The following HMCN1 variants were observed in gnomAD, a reference collection of about 807,000 sequenced individuals.
HMCN1 encodes hemicentin 1, also known as hemicentin-1.
A neutral mutation model predicts 625.9 loss-of-function variants in HMCN1; 321 were observed. That is an observed-to-expected ratio of 0.51 (90% confidence interval 0.47 to 0.56). The LOEUF (loss-of-function observed/expected upper bound fraction) is 0.56. HMCN1 is among the 20% of genes least tolerant of loss of function. The probability of loss-of-function intolerance (pLI) is 0.00; values close to 1 mark genes in which losing one functional copy is unlikely to be tolerated. For missense variants in HMCN1, 6,588 were observed against 6,887.3 expected (o/e 0.96, Z 1.54); for synonymous variants, 2,425 against 2,417.6 (o/e 1.00, Z -0.09).
chr1:185,977,741 T>G (rs1651319752), intron 15 of HMCN1, 46 bp from the exon 16 acceptor site: 2 of 1,127,112 alleles, frequency 1.8e-6, no homozygotes, highest in South Asian at 2.5e-5. Flanking sequence ...TTAATATGCC[T>G]GTATAATATA....
At chr1:185,787,141 ATGTG>A (rs375544191) in intron 1 of HMCN1, among the ~76,000 whole-genome samples, 9,144 of 141,250 alleles carry the variant, frequency 0.065, 734 homozygotes, top group African/African-American at 0.2. Context: ...GCCATGATGT[ATGTG>A]TGTGTGTGTG....
At position 186,103,457 on chromosome 1, in the gene HMCN1, A is replaced by G; in HGVS notation, c.10574-15A>G. ...AACTGTGGGTTTATTATTATTTTTG[A>G]TTCCCTTTAAATAGAACCACCTCAC... On this transcript the variant is annotated splice_polypyrimidine_tract_variant and intron_variant, in intron 68 of 106. Transcript: ENST00000271588. 1 of 1,602,808 alleles carries G rather than the reference A, an allele frequency of 6.2e-7. No homozygotes were observed. Among genetic ancestry groups the G allele is most frequent in the Non-Finnish European group, 8.5e-7 (1 of 1,170,094 alleles).
chr1:185,906,330 A>G (rs1666093614), intron 4 of HMCN1, among the ~76,000 whole-genome samples: 1 of 151,848 alleles, frequency 6.6e-6, no homozygotes, highest in Non-Finnish European at 1.5e-5. Flanking sequence ...AGTCTGCACT[A>G]TGTCTTTCCC....
At chr1:185,889,643 C>T (rs1380282136) in intron 4 of HMCN1, among the ~76,000 whole-genome samples, 2 of 138,464 alleles carry the variant, frequency 1.4e-5, no homozygotes, top group Non-Finnish European at 3.0e-5. Flanking sequence ...ACCAGCCTTG[C>T]ATCCCAGGGA....
rs766324332 is a variant in HMCN1, at chr1:186,048,752, G to T, written c.6490G>T (p.Ala2164Ser). 1.9e-5 allele frequency: 30 copies of T among 1,605,426 alleles called. No individual in the cohort carries two copies. Among genetic ancestry groups the T allele is most frequent in the Non-Finnish European group, 2.5e-5 (29 of 1,172,550 alleles). Residue 2164 changes from alanine to serine, a missense_variant, in exon 42 of 107, where the codon GCT (alanine) becomes TCT (serine). Around this residue, in one of 3 missense-constraint regions of HMCN1, gnomAD observed 4,628 missense variants for 4,853.1 expected, o/e 0.95. Transcript: ENST00000271588. ...ENRSVLKIED[A>S]QVQDTGRYTC... Reference sequence around the variant, plus strand: ...ATGATTTTGTTTTCAGATTGAAGATGCTCAGGTTCAAGACACTGGTCGTTA... The same window carrying T: ...ATGATTTTGTTTTCAGATTGAAGATTCTCAGGTTCAAGACACTGGTCGTTA...
chr1:185,858,439 A>T (rs903612427), intron 2 of HMCN1, among the ~76,000 whole-genome samples: 2 of 151,298 alleles, frequency 1.3e-5, no homozygotes, highest in African/African-American at 4.8e-5. Context: ...TTATTTATTT[A>T]TTTTTTGAGA....
rs781383086 is a variant in HMCN1 at position 186,019,610 on chromosome 1, A to G, written c.5540A>G (p.Gln1847Arg). 1 of 1,610,726 alleles carries G rather than the reference A, an allele frequency of 6.2e-7. No individual in the cohort carries two copies. The highest frequency in any genetic ancestry group is 1.1e-5 in the South Asian group (1 of 91,026). Reference protein sequence around the residue: ...VVVKYKPVALQCIANGIPNPS... With the variant: ...VVVKYKPVALRCIANGIPNPS... ...GTAAAATACAAGCCTGTCGCCTTGC[A>G]GTGCATAGCCAATGGGATTCCAAAT... Residue 1847 changes from glutamine to arginine, a missense_variant, in exon 35 of 107, where the codon CAG becomes CGG. By Grantham distance (43) the Gln-to-Arg change is conservative. Around this residue, in one of 3 missense-constraint regions of HMCN1, gnomAD observed 4,628 missense variants for 4,853.1 expected, o/e 0.95. Coordinates refer to ENST00000271588, the MANE Select transcript of HMCN1 (RefSeq NM_031935.3).
intron 30 of HMCN1, among the ~76,000 whole-genome samples, chr1:186,014,851 G>A (rs1308406295): frequency 6.6e-6 from 1 of 151,984 alleles, no homozygotes; most frequent in African/African-American, 2.4e-5. Flanking sequence ...TTTGAGTGGG[G>A]TTTTATTTTG....
chr1:186,116,792 C>T (rs777397574), intron 75 of HMCN1, among the ~76,000 whole-genome samples: 7 of 152,100 alleles, frequency 4.6e-5, no homozygotes, highest in African/African-American at 1.7e-4. Flanking sequence ...AATATTATAT[C>T]AAGTTTGAGG....
chr1:185,808,863 G>A (rs1318008130), intron 1 of HMCN1, among the ~76,000 whole-genome samples: 1 of 152,042 alleles, frequency 6.6e-6, no homozygotes, highest in Non-Finnish European at 1.5e-5. Context: ...ACTCTTACAG[G>A]AAGAGTCAAA....
chr1:185,853,653 C>G (rs962900482), intron 2 of HMCN1, among the ~76,000 whole-genome samples: 1 of 151,986 alleles, frequency 6.6e-6, no homozygotes, highest in Non-Finnish European at 1.5e-5. Context: ...AATGTTTGAC[C>G]CTTTTTTAGG....
At chr1:186,074,931 G>T (rs770487681) in intron 53 of HMCN1, 40 bp downstream of exon 53, 39 of 1,475,110 alleles carry the variant, frequency 2.6e-5, no homozygotes, top group Non-Finnish European at 3.4e-5. Flanking sequence ...TAATTTATAT[G>T]ATCTTTCAAA....
chr1:185,744,937 G>A (rs964823708), intron 1 of HMCN1, among the ~76,000 whole-genome samples: 4 of 152,110 alleles, frequency 2.6e-5, no homozygotes, highest in African/African-American at 9.7e-5. Context: ...GAAATGTGAG[G>A]CCATCACAAT....
At chr1:186,180,119 T>A (rs1652849154) in intron 104 of HMCN1, among the ~76,000 whole-genome samples, 1 of 152,146 alleles carries the variant, frequency 6.6e-6, no homozygotes, top group Non-Finnish European at 1.5e-5. Flanking sequence ...CAAATACTGT[T>A]TAATTGCTAA....
intron 52 of HMCN1, 58 bp from the exon 53 acceptor site, chr1:186,074,683 G>T: frequency 6.8e-7 from 1 of 1,466,122 alleles, no homozygotes; most frequent in Non-Finnish European, 9.5e-7. Flanking sequence ...CAACTGCATG[G>T]CCTCTTAGAG....
intron 1 of HMCN1, among the ~76,000 whole-genome samples, chr1:185,790,697 G>T (rs994252765): frequency 5.3e-5 from 8 of 152,110 alleles, no homozygotes; most frequent in African/African-American, 1.9e-4. Context: ...TGGCATCCCT[G>T]GCCTCCAGGC....
chr1:186,054,762 C>A (rs1289465122), intron 44 of HMCN1, among the ~76,000 whole-genome samples: 1 of 151,958 alleles, frequency 6.6e-6, no homozygotes, highest in Non-Finnish European at 1.5e-5. Context: ...TTCTACTGGT[C>A]CCTCCTTCAT....
chr1:186,175,754 C>A (rs1652524043), intron 103 of HMCN1, among the ~76,000 whole-genome samples: 1 of 151,790 alleles, frequency 6.6e-6, no homozygotes, highest in Non-Finnish European at 1.5e-5. Context: ...CACTGTGCTT[C>A]ACGCCTGTAA....
chr1:185,850,803 T>C (rs936554238), intron 2 of HMCN1, among the ~76,000 whole-genome samples: 4 of 152,132 alleles, frequency 2.6e-5, no homozygotes, highest in Non-Finnish European at 4.4e-5. Flanking sequence ...TTCTGCACTT[T>C]CATAGGATCC....
Sources: allele counts gnomAD v4.1 joint callset (sites outside exome capture counted in the v4.1 genomes callset), GRCh38; gene constraint gnomAD v4.1.1; regional missense constraint gnomAD v4.1.1; transcripts MANE v1.5; gene names NCBI Gene and HGNC (gene_info 2026-07-23, HGNC 2026-07-21).